The following GLIS3 variants were observed in gnomAD, a reference collection of about 807,000 sequenced individuals.
GLIS3 encodes the protein GLIS family zinc finger 3.
In GLIS3, 53 loss-of-function variants were observed where a neutral mutation model predicts 78.6. That is an observed-to-expected ratio of 0.67 (90% CI 0.54 to 0.85). The LOEUF is 0.85. Among genes scored for constraint, GLIS3 ranks in the 40% least tolerant of loss-of-function variants. The pLI, the probability that GLIS3 is intolerant of heterozygous loss-of-function variation, is 0.00. For synonymous variants in GLIS3, 684 were observed against 509.9 expected (o/e 1.34, Z -4.60); for missense variants, 1,703 against 1,231.1 (o/e 1.38, Z -5.74).
chr9:4,311,728 A>C (rs571195832), intron 2 of GLIS3, among the ~76,000 whole-genome samples: 1 of 152,184 alleles, frequency 6.6e-6, no homozygotes, highest in East Asian at 1.9e-4. Flanking sequence ...TCTATAAAAC[A>C]CTGTCTTGTC....
intron 4 of GLIS3, among the ~76,000 whole-genome samples, chr9:3,998,446 G>C (rs1339907212): frequency 2.0e-5 from 3 of 151,694 alleles, no homozygotes; most frequent in Non-Finnish European, 4.4e-5. Flanking sequence ...AAAAATTGTG[G>C]TTTAGAATTA....
the GLIS3 span, among the ~76,000 whole-genome samples, chr9:4,372,468 A>G: frequency 6.6e-6 from 1 of 151,774 alleles, no homozygotes; most frequent in Admixed American, 6.6e-5. Flanking sequence ...CAAACCAACC[A>G]GTCCAGAGTC....
rs549958245 is a variant in GLIS3, at chr9:3,982,648, T to A, written c.1711-45459A>T. Among the ~76,000 whole-genome samples, 328 of 152,356 alleles carry A rather than the reference T, an allele frequency of 2.2e-3. 2 individuals are homozygous for A. The highest frequency in any genetic ancestry group is 2.6e-3 in the Non-Finnish European group (176 of 68,030). ...AATACATTTATAAGATCCTTTCTGT[T>A]TCTGGCCAGTCAGAAAGGCCAAGCC... On this transcript the variant is annotated intron_variant, in intron 4 of 10. Transcript: ENST00000381971.
At chr9:4,371,479 G>C in the GLIS3 span, among the ~76,000 whole-genome samples, 9 of 152,260 alleles carry the variant, frequency 5.9e-5, no homozygotes, top group African/African-American at 9.6e-5. Context: ...TTACTCGAAG[G>C]TTGGAGTCTT....
intron 6 of GLIS3, among the ~76,000 whole-genome samples, chr9:3,919,669 A>T (rs1455480030): frequency 1.3e-5 from 2 of 150,696 alleles, no homozygotes; most frequent in Non-Finnish European, 3.0e-5. Context: ...AATTAAAAAT[A>T]AAAAAAAATA....
the GLIS3 span, among the ~76,000 whole-genome samples, chr9:4,357,444 T>C: frequency 6.6e-6 from 1 of 152,140 alleles, no homozygotes; most frequent in African/African-American, 2.4e-5. Flanking sequence ...ACACTATCGC[T>C]CTCCTGCTTC....
intron 2 of GLIS3, among the ~76,000 whole-genome samples, chr9:4,207,719 C>G (rs1408048973): frequency 1.3e-5 from 2 of 152,126 alleles, no homozygotes; most frequent in East Asian, 3.9e-4. Context: ...ACTGGTTGCC[C>G]AAAGCCACAC....
intron 7 of GLIS3, among the ~76,000 whole-genome samples, chr9:3,887,739 T>C (rs1259731359): frequency 6.6e-6 from 1 of 152,146 alleles, no homozygotes; most frequent in African/African-American, 2.4e-5. Context: ...TGTCAAAAGG[T>C]ACCATCAAGC....
chr9:3,899,991 G>A (rs1246803729), intron 6 of GLIS3, among the ~76,000 whole-genome samples: 1 of 152,264 alleles, frequency 6.6e-6, no homozygotes, highest in South Asian at 2.1e-4. Flanking sequence ...AGCTTTGAAA[G>A]AAGTGAGGAA....
intron 2 of GLIS3, among the ~76,000 whole-genome samples, chr9:4,185,096 T>C (rs1313377962): frequency 6.6e-6 from 1 of 152,198 alleles, no homozygotes; most frequent in Non-Finnish European, 1.5e-5. Flanking sequence ...TACCTATATA[T>C]AGTTAATCCC....
intron 2 of GLIS3, among the ~76,000 whole-genome samples, chr9:4,163,468 T>G (rs1458188047): frequency 2.6e-5 from 4 of 152,244 alleles, no homozygotes; most frequent in Admixed American, 6.5e-5. Flanking sequence ...GTGACCAAAC[T>G]GAGACGAAGT....
chr9:4,451,939 C>T, the GLIS3 span, among the ~76,000 whole-genome samples: 7 of 146,956 alleles, frequency 4.8e-5, no homozygotes, highest in Non-Finnish European at 8.8e-5. Context: ...TACTGGCAAA[C>T]GGAATCCAGC....
intron 2 of GLIS3, among the ~76,000 whole-genome samples, chr9:4,265,897 G>GTTGT (rs1554642296): frequency 8.3e-6 from 1 of 120,696 alleles, no homozygotes; most frequent in Non-Finnish European, 1.7e-5. Flanking sequence ...ACTCACCCTG[G>GTTGT]TTTTTTTTTT....
the GLIS3 span, among the ~76,000 whole-genome samples, chr9:4,423,272 T>C: frequency 1.3e-5 from 2 of 152,084 alleles, no homozygotes; most frequent in Non-Finnish European, 2.9e-5. Context: ...GACCCCTAAT[T>C]TTCAGGGAGC....
At chr9:4,381,894 C>G in the GLIS3 span, among the ~76,000 whole-genome samples, 1 of 152,198 alleles carries the variant, frequency 6.6e-6, no homozygotes, top group South Asian at 2.1e-4. Context: ...ACCCAAGGTT[C>G]TGCTGGAACT....
At chr9:3,952,636 G>A (rs992501922) in intron 4 of GLIS3, among the ~76,000 whole-genome samples, 3 of 152,136 alleles carry the variant, frequency 2.0e-5, no homozygotes, top group African/African-American at 7.2e-5. Flanking sequence ...ATAATAATGG[G>A]TCAGATTATC....
At chr9:4,267,332 C>CT (rs1826109143) in intron 2 of GLIS3, among the ~76,000 whole-genome samples, 1 of 152,082 alleles carries the variant, frequency 6.6e-6, no homozygotes, top group Admixed American at 6.5e-5. Context: ...GTAGACAGCC[C>CT]TTGAGGGTTA....
chr9:3,871,465 A>G (rs1588126627), intron 8 of GLIS3, among the ~76,000 whole-genome samples: 2 of 152,156 alleles, frequency 1.3e-5, no homozygotes, highest in African/African-American at 2.4e-5. Flanking sequence ...CCCTGCAGCA[A>G]ACTTCTGCCT....
intron 2 of GLIS3, among the ~76,000 whole-genome samples, chr9:4,269,165 C>T (rs181603257): frequency 3.9e-5 from 6 of 152,268 alleles, no homozygotes; most frequent in African/African-American, 1.4e-4. Flanking sequence ...GTTAAAATGT[C>T]TCTGCGTCAC....
Sources: gnomAD v4.1 joint callset for allele counts (sites outside exome capture counted in the v4.1 genomes callset) on GRCh38, gnomAD v4.1.1 for gene constraint, MANE v1.5 for transcripts, NCBI Gene and HGNC (gene_info 2026-07-23, HGNC 2026-07-21) for gene names.